PRKG1: variants seen among roughly 807,000 people sequenced by gnomAD.
PRKG1 encodes cGMP-dependent protein kinase 1.
PRKG1 carries 35 observed loss-of-function variants against 88.1 expected under a neutral mutation model. That is an observed-to-expected ratio of 0.40 (90% CI 0.30 to 0.53). The LOEUF is 0.53. PRKG1 is among the 20% of genes least tolerant of loss of function. The probability of loss-of-function intolerance (pLI) is 0.59; values close to 1 mark genes in which losing one functional copy is unlikely to be tolerated. For synonymous variants in PRKG1, 303 were observed against 292.5 expected (o/e 1.04, Z -0.37); for missense variants, 540 against 839.8 (o/e 0.64, Z 4.41).
intron 5 of PRKG1, among the ~76,000 whole-genome samples, chr10:51,943,636 C>T (rs971965120): frequency 5.3e-5 from 8 of 152,002 alleles, no homozygotes; most frequent in African/African-American, 1.9e-4. Context: ...CCATCAATAC[C>T]TAATTTATTG....
chr10:51,225,757 T>TA (rs576260974), intron 2 of PRKG1, among the ~76,000 whole-genome samples: 1 of 152,032 alleles, frequency 6.6e-6, no homozygotes, highest in African/African-American at 2.4e-5. Flanking sequence ...TCATTGTCAT[T>TA]AAAAAAATAC....
intron 3 of PRKG1, among the ~76,000 whole-genome samples, chr10:51,781,161 T>C (rs1434522120): frequency 6.6e-6 from 1 of 152,164 alleles, no homozygotes; most frequent in Non-Finnish European, 1.5e-5. Context: ...TATAATTTTC[T>C]TTTATTTTTC....
intron 1 of PRKG1, among the ~76,000 whole-genome samples, chr10:51,082,482 C>T (rs1226504316): frequency 1.3e-5 from 2 of 152,078 alleles, no homozygotes; most frequent in African/African-American, 2.4e-5. Flanking sequence ...TCAGAATGTC[C>T]GGGTGTTGGA....
intron 3 of PRKG1, among the ~76,000 whole-genome samples, chr10:51,706,645 A>G (rs560924656): frequency 1.3e-5 from 2 of 152,344 alleles, no homozygotes; most frequent in East Asian, 3.9e-4. Context: ...TTTCTCATCC[A>G]AACTATACTC....
intron 5 of PRKG1, among the ~76,000 whole-genome samples, chr10:51,937,042 C>A (rs1199945218): frequency 6.6e-6 from 1 of 151,930 alleles, no homozygotes; most frequent in Admixed American, 6.6e-5. Flanking sequence ...GTTTAGTTAG[C>A]AGGAGTGCCT....
At chr10:51,981,549 G>A (rs986330626) in intron 5 of PRKG1, among the ~76,000 whole-genome samples, 2 of 152,066 alleles carry the variant, frequency 1.3e-5, no homozygotes, top group Non-Finnish European at 2.9e-5. Context: ...TCACGCCACT[G>A]TGCTTCAGCT....
At chr10:51,561,596 C>G (rs1257263803) in intron 3 of PRKG1, among the ~76,000 whole-genome samples, 1 of 150,606 alleles carries the variant, frequency 6.6e-6, no homozygotes, top group Non-Finnish European at 1.5e-5. Flanking sequence ...GATAAACAAA[C>G]AGCCAAGAAA....
At chr10:51,017,946 G>A (rs925523323) in intron 1 of PRKG1, among the ~76,000 whole-genome samples, 7 of 151,758 alleles carry the variant, frequency 4.6e-5, no homozygotes, top group Admixed American at 6.6e-5. Flanking sequence ...CCACAGGTGC[G>A]TGGGACCACA....
chr10:52,002,982 A>G (rs775871225), intron 5 of PRKG1, among the ~76,000 whole-genome samples: 7 of 152,148 alleles, frequency 4.6e-5, no homozygotes, highest in Non-Finnish European at 8.8e-5. Flanking sequence ...CATAGTGGTT[A>G]TTTGTTTATG....
chr10:51,015,836 G>A (rs2132728584), intron 1 of PRKG1, among the ~76,000 whole-genome samples: 1 of 152,264 alleles, frequency 6.6e-6, no homozygotes, highest in South Asian at 2.1e-4. Context: ...GCAGTGAGCC[G>A]AGATGGCGCC....
chr10:51,336,544 G>T (rs1841881577), intron 2 of PRKG1, among the ~76,000 whole-genome samples: 1 of 151,994 alleles, frequency 6.6e-6, no homozygotes, highest in African/African-American at 2.4e-5. Context: ...CTCCATTTTC[G>T]TTAAGCCCTC....
At chr10:51,520,265 TTATA>T (rs72431343) in intron 3 of PRKG1, among the ~76,000 whole-genome samples, 36,002 of 148,810 alleles carry the variant, frequency 0.24, 4,721 homozygotes, top group Admixed American at 0.32. Flanking sequence ...ACATATAGAG[TTATA>T]TATATGCATA....
At chr10:51,585,430 A>G (rs12251608) in intron 3 of PRKG1, among the ~76,000 whole-genome samples, 10,506 of 152,148 alleles carry the variant, frequency 0.069, 1,192 homozygotes, top group African/African-American at 0.24. Context: ...TTGGTGCATT[A>G]TTTTATTCAT....
chr10:51,049,243 A>T (rs1199500096), intron 1 of PRKG1, among the ~76,000 whole-genome samples: 1 of 152,108 alleles, frequency 6.6e-6, no homozygotes, highest in Non-Finnish European at 1.5e-5. Flanking sequence ...GCCTAGGAAG[A>T]GAGAGACTTG....
At chr10:51,242,437 C>G (rs1839179482) in intron 2 of PRKG1, among the ~76,000 whole-genome samples, 1 of 151,816 alleles carries the variant, frequency 6.6e-6, no homozygotes, top group Non-Finnish European at 1.5e-5. Flanking sequence ...AAGCTGAAGC[C>G]CAAAGATATG....
At chr10:51,609,004 A>G (rs1360436795) in intron 3 of PRKG1, among the ~76,000 whole-genome samples, 1 of 152,130 alleles carries the variant, frequency 6.6e-6, no homozygotes, top group African/African-American at 2.4e-5. Context: ...ATTACTAAAC[A>G]GTCAGAAAGT....
At chr10:51,784,116 C>G (rs1188733470) in intron 3 of PRKG1, among the ~76,000 whole-genome samples, 2 of 152,052 alleles carry the variant, frequency 1.3e-5, no homozygotes, top group Non-Finnish European at 2.9e-5. Flanking sequence ...TTTCCCTGCT[C>G]TGGCTGAGTT....
intron 4 of PRKG1, among the ~76,000 whole-genome samples, chr10:51,842,834 A>C (rs1277078423): frequency 1.3e-5 from 2 of 152,030 alleles, no homozygotes; most frequent in Non-Finnish European, 2.9e-5. Context: ...CAATTATAAG[A>C]AATTATATAT....
At chr10:52,168,069 A>G (rs889605515) in intron 9 of PRKG1, among the ~76,000 whole-genome samples, 2 of 152,148 alleles carry the variant, frequency 1.3e-5, no homozygotes, top group African/African-American at 2.4e-5. Flanking sequence ...ACCTCTTCAT[A>G]TGCTTTCATC....
Sources: gnomAD v4.1 joint callset for allele counts (sites outside exome capture counted in the v4.1 genomes callset) on GRCh38, gnomAD v4.1.1 for gene constraint, MANE v1.5 for transcripts, NCBI Gene and HGNC (gene_info 2026-07-23, HGNC 2026-07-21) for gene names.